The following TMEM117 variants were observed in gnomAD, a reference collection of about 807,000 sequenced individuals.
The protein encoded by TMEM117 is transmembrane protein 117.
TMEM117 carries 27 observed loss-of-function variants against 52.4 expected under a neutral mutation model. The observed-to-expected ratio is 0.51, with a 90% CI of 0.38 to 0.71. The LOEUF (loss-of-function observed/expected upper bound fraction) is 0.71, where lower values mean the gene tolerates loss of function less well. TMEM117 is among the 30% of genes least tolerant of loss of function. The pLI is 0.00. For synonymous variants in TMEM117, 215 were observed against 206.3 expected, an observed-to-expected ratio of 1.04 and a Z score of -0.36; for missense variants, 556 against 630.5, an observed-to-expected ratio of 0.88 and a Z score of 1.26.
At chr12:44,346,106 G>T (rs1213322164) in intron 6 of TMEM117, among the ~76,000 whole-genome samples, 6 of 151,930 alleles carry the variant, frequency 3.9e-5, no homozygotes, top group African/African-American at 1.5e-4. Context: ...GTTTAATTTG[G>T]TTACCTTTAA....
At chr12:44,086,727 TCAAA>T (rs1177861741) in intron 3 of TMEM117, among the ~76,000 whole-genome samples, 1 of 152,054 alleles carries the variant, frequency 6.6e-6, no homozygotes, top group South Asian at 2.1e-4. Flanking sequence ...TCTTTCGCTA[TCAAA>T]CAAAGTATGA....
chr12:44,045,369 C>T lies in TMEM117; in HGVS notation c.411-98156C>T, dbSNP rs528223382. Among the ~76,000 whole-genome samples, 3 of 152,288 alleles carry T rather than the reference C, an allele frequency of 2.0e-5. No individual in the cohort carries two copies. In the East Asian group the frequency reaches 5.8e-4, roughly 29 times the overall value. ...TGGTAGTAGGTTGACTATATTGGAC[C>T]TCTTTCATCATGGAAAGGTTTGTCC... On this transcript the variant is annotated intron_variant, in intron 3 of 7. Transcript: ENST00000266534.
At chr12:44,231,833 A>G (rs1356826453) in intron 5 of TMEM117, among the ~76,000 whole-genome samples, 4 of 151,720 alleles carry the variant, frequency 2.6e-5, no homozygotes, top group African/African-American at 9.7e-5. Flanking sequence ...TCTGCATGCT[A>G]ATTCCTTGTC....
At chr12:43,815,813 G>A in the TMEM117 span, among the ~76,000 whole-genome samples, 5 of 152,186 alleles carry the variant, frequency 3.3e-5, no homozygotes, top group Non-Finnish European at 7.3e-5. Flanking sequence ...TTTGAACACC[G>A]ATGACAATGA....
At chr12:44,152,735 A>G (rs1300991196) in intron 4 of TMEM117, among the ~76,000 whole-genome samples, 1 of 137,490 alleles carries the variant, frequency 7.3e-6, no homozygotes, top group Non-Finnish European at 1.5e-5. Flanking sequence ...AAATATATTT[A>G]TATTTATAAT....
chr12:44,329,741 G>C (rs1461105131), intron 6 of TMEM117, among the ~76,000 whole-genome samples: 1 of 151,830 alleles, frequency 6.6e-6, no homozygotes, highest in Non-Finnish European at 1.5e-5. Context: ...TATGTACCTC[G>C]TACAAGAACA....
chr12:44,373,574 C>T (rs1440897427), intron 6 of TMEM117, among the ~76,000 whole-genome samples: 3 of 152,124 alleles, frequency 2.0e-5, no homozygotes, highest in East Asian at 3.9e-4. Context: ...GGACATTCAC[C>T]TGTCTTTCAC....
chr12:44,022,940 G>A (rs895099035), intron 3 of TMEM117, among the ~76,000 whole-genome samples: 4 of 152,152 alleles, frequency 2.6e-5, no homozygotes, highest in African/African-American at 9.6e-5. Flanking sequence ...ATCAAAAACT[G>A]CAAATAAAGG....
At chr12:43,876,799 T>G (rs1050713878) in intron 2 of TMEM117, among the ~76,000 whole-genome samples, 4 of 152,246 alleles carry the variant, frequency 2.6e-5, no homozygotes, top group Non-Finnish European at 4.4e-5. Context: ...ACAAGACCTA[T>G]GAAGTAAATA....
intron 4 of TMEM117, among the ~76,000 whole-genome samples, chr12:44,163,100 A>G (rs890363910): frequency 2.0e-5 from 3 of 152,368 alleles, no homozygotes; most frequent in Admixed American, 1.3e-4. Flanking sequence ...AACTTTAGAG[A>G]TGACTTGCTG....
chr12:44,398,109 G>GT, the TMEM117 span, among the ~76,000 whole-genome samples: 21 of 147,872 alleles, frequency 1.4e-4, no homozygotes, highest in South Asian at 6.5e-4. Context: ...TTTTGTTTTG[G>GT]TTTTTTTTTT....
chr12:44,086,316 C>T (rs576931971), intron 3 of TMEM117, among the ~76,000 whole-genome samples: 4 of 150,836 alleles, frequency 2.7e-5, no homozygotes, highest in South Asian at 2.1e-4. Flanking sequence ...CAGGTTCCAG[C>T]GATTCCCCCG....
intron 5 of TMEM117, among the ~76,000 whole-genome samples, chr12:44,275,164 A>G (rs1950496701): frequency 6.6e-6 from 1 of 152,170 alleles, no homozygotes; most frequent in African/African-American, 2.4e-5. Flanking sequence ...TCTCAAAAGA[A>G]GACATGCAAA....
At chr12:44,073,562 A>G (rs369541140) in intron 3 of TMEM117, 11 of 152,244 alleles carry the variant, frequency 7.2e-5, no homozygotes, top group African/African-American at 2.4e-4. Flanking sequence ...GAACACAGAT[A>G]TGTCCTTATT....
At chr12:44,294,915 C>T (rs1950748181) in intron 5 of TMEM117, among the ~76,000 whole-genome samples, 2 of 152,190 alleles carry the variant, frequency 1.3e-5, no homozygotes, top group South Asian at 4.1e-4. Context: ...TATTTTCAAA[C>T]TGTGGTTGAC....
chr12:44,361,666 G>A (rs954435876), intron 6 of TMEM117, among the ~76,000 whole-genome samples: 2 of 152,114 alleles, frequency 1.3e-5, no homozygotes, highest in African/African-American at 2.4e-5. Flanking sequence ...GTACCTTCAA[G>A]GAGTGTATAA....
intron 4 of TMEM117, among the ~76,000 whole-genome samples, chr12:44,159,848 T>A (rs1055461758): frequency 6.6e-6 from 1 of 152,112 alleles, no homozygotes; most frequent in Non-Finnish European, 1.5e-5. Flanking sequence ...AAAAAATAAT[T>A]TTAATAAAGA....
chr12:43,888,911 A>G (rs1242674255), intron 2 of TMEM117, among the ~76,000 whole-genome samples: 8 of 152,152 alleles, frequency 5.3e-5, no homozygotes, highest in African/African-American at 1.9e-4. Context: ...TTAAATCATG[A>G]AGAAACTGAG....
chr12:44,147,117 G>A (rs1948653993), intron 4 of TMEM117, among the ~76,000 whole-genome samples: 1 of 152,138 alleles, frequency 6.6e-6, no homozygotes, highest in African/African-American at 2.4e-5. Context: ...TGTCAAATAG[G>A]TTTTTAAAAT....
Sources: gnomAD v4.1 joint callset for allele counts (sites outside exome capture counted in the v4.1 genomes callset) on GRCh38, gnomAD v4.1.1 for gene constraint, MANE v1.5 for transcripts, NCBI Gene and HGNC (gene_info 2026-07-23, HGNC 2026-07-21) for gene names.